The following KIAA1328 variants were observed in gnomAD, a reference collection of about 807,000 sequenced individuals.
KIAA1328 encodes the protein KIAA1328.
Under a neutral mutation model 68.1 loss-of-function variants are expected in KIAA1328, and 52 were observed. That is an observed-to-expected ratio of 0.76 (90% CI 0.61 to 0.96). KIAA1328 has a LOEUF of 0.96. Ranked by LOEUF, KIAA1328 falls within the 40% of genes least tolerant of loss-of-function variation. The pLI, the probability that KIAA1328 is intolerant of heterozygous loss-of-function variation, is 0.00. For missense variants in KIAA1328, 641 were observed against 677.6 expected (o/e 0.95, Z 0.60); for synonymous variants, 232 against 239.4 (o/e 0.97, Z 0.28).
intron 6 of KIAA1328, among the ~76,000 whole-genome samples, chr18:37,004,704 A>G (rs955857537): frequency 6.6e-6 from 1 of 152,124 alleles, no homozygotes; most frequent in Non-Finnish European, 1.5e-5. Flanking sequence ...TTCCTTAACG[A>G]ACTAAAAGTA....
At position 36,831,349 on chromosome 18, in the gene KIAA1328, G is replaced by A. The variant is rs890870152; in HGVS notation, c.58+2153G>A. On this transcript the variant is annotated intron_variant, in intron 1 of 9. Transcript: ENST00000280020. ...TTGTGAGTTATACATCTCCTGCACA[G>A]TATGATTCAGCAGTGCTGTTTTGCA... 1.4e-4 allele frequency among the ~76,000 whole-genome samples: 21 copies of A among 151,980 alleles called. 1 individual carries two copies. The Middle Eastern group carries it at 9.5e-3, about 69-fold the overall frequency.
At chr18:36,991,190 T>C (rs1350776443) in intron 6 of KIAA1328, among the ~76,000 whole-genome samples, 3 of 152,240 alleles carry the variant, frequency 2.0e-5, no homozygotes, top group African/African-American at 7.2e-5. Context: ...CCTATAGTTG[T>C]GTGCTTACAA....
chr18:37,203,561 C>A (rs2060154848), intron 9 of KIAA1328, among the ~76,000 whole-genome samples: 1 of 152,156 alleles, frequency 6.6e-6, no homozygotes, highest in Non-Finnish European at 1.5e-5. Context: ...TCCTAGTAAC[C>A]CTAATTTTCA....
chr18:37,136,979 C>T (rs929480518), intron 7 of KIAA1328, among the ~76,000 whole-genome samples: 1 of 152,140 alleles, frequency 6.6e-6, no homozygotes, highest in Non-Finnish European at 1.5e-5. Context: ...TTTTTCTTAA[C>T]TTTCCCTCAG....
chr18:36,946,920 T>TA (rs941236206), intron 5 of KIAA1328, among the ~76,000 whole-genome samples: 3 of 152,144 alleles, frequency 2.0e-5, no homozygotes, highest in Admixed American at 1.3e-4. Context: ...CACTGGAAGA[T>TA]GAAATACTGT....
At chr18:36,855,902 A>G (rs1451978532) in intron 4 of KIAA1328, among the ~76,000 whole-genome samples, 1 of 152,036 alleles carries the variant, frequency 6.6e-6, no homozygotes, top group Non-Finnish European at 1.5e-5. Flanking sequence ...GCATGAAGAT[A>G]TCCAGTTGTC....
chr18:36,950,482 G>A (rs1407290355), intron 5 of KIAA1328, among the ~76,000 whole-genome samples: 1 of 152,122 alleles, frequency 6.6e-6, no homozygotes, highest in Non-Finnish European at 1.5e-5. Context: ...GGAAAACACA[G>A]TCTGCTTCAG....
At chr18:37,176,640 C>T (rs1380972815) in intron 9 of KIAA1328, among the ~76,000 whole-genome samples, 1 of 152,194 alleles carries the variant, frequency 6.6e-6, no homozygotes, top group Non-Finnish European at 1.5e-5. Context: ...ACCACTCCAC[C>T]TGGAAAGAGG....
At chr18:36,978,393 A>C (rs1317192931) in intron 6 of KIAA1328, among the ~76,000 whole-genome samples, 2 of 152,222 alleles carry the variant, frequency 1.3e-5, no homozygotes, top group Admixed American at 6.5e-5. Context: ...GCATAGTAAG[A>C]TATGAATATC....
chr18:37,197,254 CT>C (rs2060021250), intron 9 of KIAA1328, among the ~76,000 whole-genome samples: 1 of 151,442 alleles, frequency 6.6e-6, no homozygotes, highest in Non-Finnish European at 1.5e-5. Context: ...TTTTGTTTAT[CT>C]TTTTTAAAAA....
At chr18:37,205,918 T>C (rs1256525730) in intron 9 of KIAA1328, among the ~76,000 whole-genome samples, 4 of 152,208 alleles carry the variant, frequency 2.6e-5, no homozygotes, top group Non-Finnish European at 5.9e-5. Context: ...TGAATATATG[T>C]TACCAATTTC....
chr18:37,062,505 G>A (rs1271727320), intron 6 of KIAA1328, among the ~76,000 whole-genome samples: 6 of 151,426 alleles, frequency 4.0e-5, no homozygotes, highest in African/African-American at 1.5e-4. Flanking sequence ...GCCCAGGCTG[G>A]AGTGCAGTGG....
intron 9 of KIAA1328, among the ~76,000 whole-genome samples, chr18:37,196,284 C>G (rs2060002197): frequency 6.6e-6 from 1 of 152,044 alleles, no homozygotes; most frequent in African/African-American, 2.4e-5. Context: ...CTTTATTTCT[C>G]TTGTCTAATT....
intron 4 of KIAA1328, among the ~76,000 whole-genome samples, chr18:36,866,149 G>A (rs1375397693): frequency 6.6e-6 from 1 of 152,098 alleles, no homozygotes; most frequent in African/African-American, 2.4e-5. Flanking sequence ...CCATGCTTGG[G>A]CTCTGAATCT....
intron 7 of KIAA1328, among the ~76,000 whole-genome samples, chr18:37,072,521 A>C (rs2056571646): frequency 1.3e-5 from 2 of 152,108 alleles, no homozygotes; most frequent in East Asian, 3.9e-4. Context: ...TTATAGTTTT[A>C]TGTCTTTTGC....
chr18:36,988,006 A>C (rs1339704805), intron 6 of KIAA1328, among the ~76,000 whole-genome samples: 1 of 152,204 alleles, frequency 6.6e-6, no homozygotes, highest in Admixed American at 6.5e-5. Context: ...ATTTGTAAGC[A>C]GTTAGTATAG....
intron 9 of KIAA1328, among the ~76,000 whole-genome samples, chr18:37,219,388 A>G (rs1172476262): frequency 6.6e-6 from 1 of 152,234 alleles, no homozygotes; most frequent in Non-Finnish European, 1.5e-5. Context: ...TTAAGTCTGC[A>G]GAAGTTCCTG....
intron 3 of KIAA1328, among the ~76,000 whole-genome samples, chr18:36,840,963 C>G (rs1568062533): frequency 6.6e-6 from 1 of 152,128 alleles, no homozygotes; most frequent in Non-Finnish European, 1.5e-5. Context: ...TCACTACAGT[C>G]TGGCACCTGT....
At chr18:36,914,874 A>G (rs1326543007) in intron 5 of KIAA1328, among the ~76,000 whole-genome samples, 2 of 152,184 alleles carry the variant, frequency 1.3e-5, no homozygotes, top group African/African-American at 4.8e-5. Flanking sequence ...ATATACAGAG[A>G]ATCTGTATGC....
Sources: gnomAD v4.1 joint callset for allele counts (sites outside exome capture counted in the v4.1 genomes callset) on GRCh38, gnomAD v4.1.1 for gene constraint, MANE v1.5 for transcripts, NCBI Gene and HGNC (gene_info 2026-07-23, HGNC 2026-07-21) for gene names.